Variants in BICD1 observed in about 807,000 individuals in gnomAD.
BICD1 encodes BICD cargo adaptor 1.
Under a neutral mutation model 92.5 loss-of-function variants are expected in BICD1, and 35 were observed. That is an observed-to-expected ratio of 0.38 (90% CI 0.29 to 0.50). The LOEUF (loss-of-function observed/expected upper bound fraction) is 0.50, where lower values mean the gene tolerates loss of function less well. BICD1 is among the 20% of genes least tolerant of loss of function. The pLI, the probability that BICD1 is intolerant of heterozygous loss-of-function variation, is 0.93. For synonymous variants in BICD1, 429 were observed against 465.1 expected (o/e 0.92, Z 1.00); for missense variants, 950 against 1,189.8 (o/e 0.80, Z 2.97).
At chr12:32,248,345 A>G (rs1946441854) in intron 2 of BICD1, among the ~76,000 whole-genome samples, 1 of 152,204 alleles carries the variant, frequency 6.6e-6, no homozygotes, top group Admixed American at 6.5e-5. Context: ...GATGGCAAGA[A>G]TCAACAGTTC....
intron 1 of BICD1, among the ~76,000 whole-genome samples, chr12:32,172,752 TGTGCCAGGCACA>T (rs1943982796): frequency 6.6e-6 from 1 of 152,336 alleles, no homozygotes; most frequent in East Asian, 1.9e-4. Context: ...GTGCTTACCA[TGTGCCAGGCACA>T]GTTCCAGAAC....
intron 1 of BICD1, among the ~76,000 whole-genome samples, chr12:32,162,131 G>C (rs1199350567): frequency 1.3e-5 from 2 of 152,116 alleles, no homozygotes; most frequent in African/African-American, 4.8e-5. Flanking sequence ...GCCATCCCTC[G>C]GTCTCACATC....
chr12:32,293,120 G>A (rs1035898202), intron 2 of BICD1, among the ~76,000 whole-genome samples: 9 of 152,034 alleles, frequency 5.9e-5, no homozygotes, highest in African/African-American at 9.7e-5. Flanking sequence ...ATAAGTCACC[G>A]CTATTGACAG....
At chr12:32,164,829 A>G (rs1362065193) in intron 1 of BICD1, among the ~76,000 whole-genome samples, 1 of 152,210 alleles carries the variant, frequency 6.6e-6, no homozygotes, top group East Asian at 1.9e-4. Context: ...GACATTCAAG[A>G]GGTAAAATGG....
chr12:32,130,297 G>A (rs966136083), intron 1 of BICD1, among the ~76,000 whole-genome samples: 1 of 151,552 alleles, frequency 6.6e-6, no homozygotes, highest in African/African-American at 2.4e-5. Flanking sequence ...TCCGCCTCTC[G>A]GGTTCATGCC....
chr12:32,310,083 C>T (rs1769262104), intron 4 of BICD1, among the ~76,000 whole-genome samples: 1 of 152,136 alleles, frequency 6.6e-6, no homozygotes, highest in South Asian at 2.1e-4. Flanking sequence ...GCTGTAACTC[C>T]CTGAACCAGG....
chr12:32,347,924 T>C (rs1938691745), intron 8 of BICD1, among the ~76,000 whole-genome samples: 1 of 152,212 alleles, frequency 6.6e-6, no homozygotes, highest in African/African-American at 2.4e-5. Context: ...ATATATAGAC[T>C]GAAAACACAT....
At chr12:32,347,254 AT>A (rs1938668171) in intron 8 of BICD1, among the ~76,000 whole-genome samples, 1 of 151,210 alleles carries the variant, frequency 6.6e-6, no homozygotes, top group East Asian at 2.0e-4. Flanking sequence ...CCCTGCCCTC[AT>A]TTTTCTTTTA....
intron 8 of BICD1, among the ~76,000 whole-genome samples, chr12:32,340,953 C>G (rs1455331887): frequency 1.3e-5 from 2 of 152,058 alleles, no homozygotes; most frequent in Admixed American, 1.3e-4. Context: ...ATGTTTTTTG[C>G]TCCATTCTGA....
chr12:32,303,788 C>A (rs966809934), intron 3 of BICD1, among the ~76,000 whole-genome samples: 2 of 152,038 alleles, frequency 1.3e-5, no homozygotes, highest in Non-Finnish European at 2.9e-5. Flanking sequence ...AAGAGAAAAA[C>A]CTCTGGCTGG....
intron 1 of BICD1, among the ~76,000 whole-genome samples, chr12:32,180,868 G>A (rs1166456947): frequency 1.3e-5 from 2 of 151,640 alleles, no homozygotes; most frequent in African/African-American, 4.8e-5. Context: ...GTCACTCCTC[G>A]CCCATCTGTA....
intron 1 of BICD1, among the ~76,000 whole-genome samples, chr12:32,188,542 T>G (rs1299196950): frequency 6.6e-6 from 1 of 152,132 alleles, no homozygotes; most frequent in African/African-American, 2.4e-5. Context: ...CCCATAGAGG[T>G]TCCCTGACAT....
rs1433487302 is a variant in BICD1 at position 32,378,075 on chromosome 12, G to GTCTA, written c.*450_*453dup. 5.2e-5 allele frequency: 8 copies of GTCTA among 152,920 alleles called. No individual in the cohort carries two copies. Among genetic ancestry groups the GTCTA allele is most frequent in the African/African-American group, 1.9e-4 (8 of 41,434 alleles). The allele number at this position is 152,920 out of a possible 1,614,324, so 9.5% of individuals were successfully genotyped here. A position where few individuals can be genotyped will look rare whatever the true frequency, so the allele number is the denominator to read the frequency against. Reference sequence around the variant, plus strand: ...GTACTTTATTTGCTACATGATTTATGTCTATACAAATAATTTCTCTGAGGT... The same window carrying GTCTA: ...GTACTTTATTTGCTACATGATTTATGTCTATCTATACAAATAATTTCTCTGAGGT... On this transcript the variant is annotated 3_prime_UTR_variant, in exon 10 of 10. Transcript: ENST00000652176.
chr12:32,354,668 G>A (rs1939033168), intron 8 of BICD1, among the ~76,000 whole-genome samples: 2 of 152,166 alleles, frequency 1.3e-5, no homozygotes, highest in East Asian at 3.8e-4. Flanking sequence ...TACGTTTGGT[G>A]AAAAGGGATG....
intron 2 of BICD1, among the ~76,000 whole-genome samples, chr12:32,229,681 G>T (rs1945812787): frequency 6.6e-6 from 1 of 152,136 alleles, no homozygotes; most frequent in Non-Finnish European, 1.5e-5. Flanking sequence ...GAGAGGAATT[G>T]CAGGCAGAGA....
At chr12:32,365,110 G>A (rs1016413148) in intron 8 of BICD1, among the ~76,000 whole-genome samples, 17 of 152,108 alleles carry the variant, frequency 1.1e-4, no homozygotes, top group Admixed American at 6.6e-5. Context: ...GGTGGCGCAC[G>A]CTTGTAATCC....
At chr12:32,360,019 A>G (rs1939259740) in intron 8 of BICD1, among the ~76,000 whole-genome samples, 1 of 152,106 alleles carries the variant, frequency 6.6e-6, no homozygotes, top group Non-Finnish European at 1.5e-5. Context: ...CCCCGTCTCT[A>G]CTAAAAATAC....
intron 1 of BICD1, among the ~76,000 whole-genome samples, chr12:32,173,792 A>G (rs1944020303): frequency 6.6e-6 from 1 of 152,246 alleles, no homozygotes; most frequent in South Asian, 2.1e-4. Flanking sequence ...TGTGTTCATC[A>G]AACACTTCTC....
chr12:32,171,547 G>C (rs2121514766), intron 1 of BICD1, among the ~76,000 whole-genome samples: 1 of 152,268 alleles, frequency 6.6e-6, no homozygotes, highest in East Asian at 1.9e-4. Flanking sequence ...CTTGTCTGGA[G>C]TACACAGTAA....
Sources: gnomAD v4.1 joint callset for allele counts (sites outside exome capture counted in the v4.1 genomes callset) on GRCh38, gnomAD v4.1.1 for gene constraint, MANE v1.5 for transcripts, NCBI Gene and HGNC (gene_info 2026-07-23, HGNC 2026-07-21) for gene names.